ASTN1: variants seen among roughly 807,000 people sequenced by gnomAD.
The protein encoded by ASTN1 is astrotactin 1, also known as astrotactin-1.
A neutral mutation model predicts 140.7 loss-of-function variants in ASTN1; 41 were observed. That is an observed-to-expected ratio of 0.29 (90% CI 0.23 to 0.38). The LOEUF (loss-of-function observed/expected upper bound fraction) is 0.38. Ranked by LOEUF, ASTN1 falls within the 10% of genes least tolerant of loss-of-function variation. The pLI is 1.00. For missense variants in ASTN1, 1,479 were observed against 1,678.8 expected (o/e 0.88, Z 2.08); for synonymous variants, 640 against 652.2 (o/e 0.98, Z 0.29).
At chr1:177,115,549 C>A (rs556781590) in intron 1 of ASTN1, among the ~76,000 whole-genome samples, 3 of 151,662 alleles carry the variant, frequency 2.0e-5, no homozygotes, top group Non-Finnish European at 4.4e-5. Context: ...CATAGCTACT[C>A]GGGGGACTGA....
chr1:177,111,445 T>C (rs1490119869), intron 1 of ASTN1, among the ~76,000 whole-genome samples: 2 of 152,176 alleles, frequency 1.3e-5, no homozygotes, highest in Non-Finnish European at 2.9e-5. Flanking sequence ...GACCCTTAGA[T>C]TCTGCATTTC....
intron 8 of ASTN1, among the ~76,000 whole-genome samples, chr1:176,989,328 A>G (rs1260462406): frequency 1.3e-5 from 2 of 152,310 alleles, no homozygotes; most frequent in Non-Finnish European, 2.9e-5. Context: ...AAGGCATTAG[A>G]TCTAATCACT....
intron 2 of ASTN1, among the ~76,000 whole-genome samples, chr1:177,037,716 A>C (rs148435302): frequency 5.0e-4 from 76 of 152,340 alleles, no homozygotes; most frequent in African/African-American, 1.8e-3. Context: ...TCATCTTTGC[A>C]TGAATTTTCT....
chr1:176,971,265 A>G (rs1050534417), intron 8 of ASTN1, among the ~76,000 whole-genome samples: 3 of 152,188 alleles, frequency 2.0e-5, no homozygotes. Flanking sequence ...CTGAACCATC[A>G]CATGCCTCAA....
Position 176,863,794 on chromosome 1 carries a change from G to A in ASTN1, c.*490C>T. 2 of 990,688 alleles carry A rather than the reference G, an allele frequency of 2.0e-6. No individual in the cohort carries two copies. The highest frequency in any genetic ancestry group is 2.4e-6 in the Non-Finnish European group (2 of 832,860). 61.4% of individuals were successfully genotyped at this position (990,688 alleles called of 1,614,324 possible). ...TTTCTATTGTCTCTCTCTGTGAGCA[G>A]GGCCAAGGCTCCCAGAGTGAGACGC... On this transcript the variant is annotated 3_prime_UTR_variant, in exon 23 of 23. Transcript: ENST00000361833.
At chr1:177,028,961 A>T (rs1676275638) in intron 5 of ASTN1, among the ~76,000 whole-genome samples, 1 of 152,184 alleles carries the variant, frequency 6.6e-6, no homozygotes, top group Non-Finnish European at 1.5e-5. Context: ...AAGTGAAGTC[A>T]GAGGCAGTGG....
In ASTN1 at chr1:176,861,685, C is replaced by G. The variant is rs1036738596; in HGVS notation, c.*2599G>C. The stretch of plus-strand genomic sequence containing the variant: ...GAGTTGTGTGCATTGTGTGTGCACA[C>G]GTGTGTGTGTGTGTACATACATACA... On this transcript the variant is annotated 3_prime_UTR_variant, in exon 23 of 23. Transcript: ENST00000361833. The G allele has an allele frequency of 2.1e-6, 2 of 960,084 alleles. No homozygotes were observed. The highest frequency in any genetic ancestry group is 3.5e-5 in the African/African-American group (2 of 56,546). 59.5% of individuals were successfully genotyped at this position (960,084 alleles called of 1,614,324 possible).
intron 1 of ASTN1, among the ~76,000 whole-genome samples, chr1:177,115,267 C>A (rs1315136609): frequency 1.3e-5 from 2 of 151,994 alleles, no homozygotes. Context: ...AAATTAGCCC[C>A]CTCCAAACTC....
chr1:176,973,332 C>T (rs867851457), intron 8 of ASTN1, among the ~76,000 whole-genome samples: 24 of 152,334 alleles, frequency 1.6e-4, no homozygotes, highest in Admixed American at 4.6e-4. Flanking sequence ...TCTTTCTTCA[C>T]ATTAAATTAT....
At chr1:176,893,584 G>A (rs1013357103) in intron 17 of ASTN1, among the ~76,000 whole-genome samples, 1 of 152,130 alleles carries the variant, frequency 6.6e-6, no homozygotes, top group East Asian at 1.9e-4. Context: ...CCTCCTGTTG[G>A]TCTGGGCATT....
chr1:177,157,224 C>T (rs974137908), intron 1 of ASTN1, among the ~76,000 whole-genome samples: 3 of 152,190 alleles, frequency 2.0e-5, no homozygotes, highest in Non-Finnish European at 4.4e-5. Flanking sequence ...GTGAGAGAAA[C>T]TGGGTATGGG....
chr1:177,131,307 C>CT (rs1353217819), intron 1 of ASTN1, among the ~76,000 whole-genome samples: 25 of 152,108 alleles, frequency 1.6e-4, no homozygotes, highest in African/African-American at 6.0e-4. Flanking sequence ...AAAAAGAACT[C>CT]TGTTATACCA....
chr1:176,862,391 C>A lies in ASTN1; in HGVS notation c.*1893G>T. 2 of 985,456 alleles carry A rather than the reference C, an allele frequency of 2.0e-6. No homozygotes were observed. The highest frequency in any genetic ancestry group is 4.7e-5 in the South Asian group (1 of 21,288). The allele number at this position is 985,456 out of a possible 1,614,324, so 61.0% of individuals were successfully genotyped here. A position where few individuals can be genotyped will look rare whatever the true frequency, so the allele number is the denominator to read the frequency against. ...GGCCATGTGCAGTGGAACTAGGGGTCCCAAGGGTGCTCTAGCTCCAAAGGC... is the reference window on the plus strand; with the variant it reads ...GGCCATGTGCAGTGGAACTAGGGGTACCAAGGGTGCTCTAGCTCCAAAGGC... On this transcript the variant is annotated 3_prime_UTR_variant, in exon 23 of 23. Coordinates refer to ENST00000361833, the MANE Select transcript of ASTN1 (RefSeq NM_004319.3).
chr1:176,973,259 T>A (rs984718690), intron 8 of ASTN1, among the ~76,000 whole-genome samples: 2 of 152,234 alleles, frequency 1.3e-5, no homozygotes, highest in African/African-American at 4.8e-5. Context: ...TCCTGGATGC[T>A]TAGAATTTAT....
At chr1:176,895,831 A>C (rs1669478277) in intron 16 of ASTN1, among the ~76,000 whole-genome samples, 1 of 152,212 alleles carries the variant, frequency 6.6e-6, no homozygotes, top group African/African-American at 2.4e-5. Context: ...GCTGACAAAA[A>C]AGCACTGGGT....
At chr1:176,867,863 C>T (rs1668182139) in intron 22 of ASTN1, among the ~76,000 whole-genome samples, 1 of 152,136 alleles carries the variant, frequency 6.6e-6, no homozygotes, top group Admixed American at 6.5e-5. Context: ...GCCCTGTTGG[C>T]TGGAGTGAAA....
At chr1:177,044,758 G>C (rs1392243249) in intron 2 of ASTN1, among the ~76,000 whole-genome samples, 1 of 152,256 alleles carries the variant, frequency 6.6e-6, no homozygotes, top group African/African-American at 2.4e-5. Context: ...CGCTGGGCCA[G>C]TTGCCTAATT....
chr1:177,024,811 T>A, intron 5 of ASTN1, 79 bp from the exon 6 acceptor site: 2 of 1,496,284 alleles, frequency 1.3e-6, no homozygotes, highest in Non-Finnish European at 1.8e-6. Context: ...TTGCCAATCA[T>A]CCTGGCAAAC....
intron 8 of ASTN1, among the ~76,000 whole-genome samples, chr1:176,968,001 A>T (rs1349446877): frequency 6.6e-6 from 1 of 152,158 alleles, no homozygotes; most frequent in Non-Finnish European, 1.5e-5. Flanking sequence ...GATCACATTT[A>T]AAGGCAGCAG....
Sources: gnomAD v4.1 joint callset for allele counts (sites outside exome capture counted in the v4.1 genomes callset) on GRCh38, gnomAD v4.1.1 for gene constraint, MANE v1.5 for transcripts, NCBI Gene and HGNC (gene_info 2026-07-23, HGNC 2026-07-21) for gene names.